Variants in HAUS8 observed in about 807,000 individuals in gnomAD.
HAUS8 encodes the protein HAUS augmin-like complex subunit 8.
HAUS8 carries 38 observed loss-of-function variants against 42.9 expected under a neutral mutation model. The ratio of observed to expected loss-of-function variants is 0.89; its 90% confidence interval spans 0.68 to 1.16. The LOEUF (loss-of-function observed/expected upper bound fraction) is 1.16. HAUS8 is among the 50% of genes most tolerant of loss of function. HAUS8 has a pLI of 0.00. For missense variants in HAUS8, 494 were observed against 511.6 expected (o/e 0.97, Z 0.33); for synonymous variants, 199 against 205.8 (o/e 0.97, Z 0.28).
intron 3 of HAUS8, among the ~76,000 whole-genome samples, chr19:17,068,632 T>C (rs1249322957): frequency 1.3e-5 from 2 of 151,912 alleles, no homozygotes; most frequent in Non-Finnish European, 2.9e-5. Context: ...GCTGGTGTGG[T>C]AGCACACGCC....
At chr19:17,071,376 C>A (rs779079871) in intron 2 of HAUS8, among the ~76,000 whole-genome samples, 1 of 152,136 alleles carries the variant, frequency 6.6e-6, no homozygotes, top group East Asian at 1.9e-4. Context: ...GCCTGCAGAG[C>A]GAGTGTGGGT....
chr19:17,064,571 A>T (rs890122676), intron 3 of HAUS8, among the ~76,000 whole-genome samples: 2 of 152,252 alleles, frequency 1.3e-5, no homozygotes, highest in African/African-American at 4.8e-5. Flanking sequence ...GTGCACATAC[A>T]TGGTCAACTG....
chr19:17,075,162 C>G (rs2057461179), intron 1 of HAUS8: 1 of 549,192 alleles, frequency 1.8e-6, no homozygotes, highest in East Asian at 3.0e-5. Flanking sequence ...GGCCGCTTGC[C>G]GGAGGTCGCC....
intron 10 of HAUS8, 67 bp from the exon 11 acceptor site, chr19:17,050,243 C>A (rs368220841): frequency 1.6e-6 from 2 of 1,260,132 alleles, no homozygotes; most frequent in African/African-American, 3.1e-5. Flanking sequence ...GTGTGGTGAA[C>A]GGAGGGCTGC....
At chr19:17,053,152 T>C (rs2057298640) in intron 9 of HAUS8, 186 bp from the exon 10 acceptor site, 5 of 641,324 alleles carry the variant, frequency 7.8e-6, no homozygotes, top group East Asian at 2.8e-5. Context: ...TGCTCTGAGA[T>C]TGTGGGACAG....
chr19:17,068,906 G>C (rs1421266564), intron 3 of HAUS8, 125 bp downstream of exon 3: 13 of 806,804 alleles, frequency 1.6e-5, no homozygotes, highest in Non-Finnish European at 2.5e-5. Flanking sequence ...AAGCACCTGA[G>C]TGAAGATCCC....
At chr19:17,072,671 CAG>C (rs1328882295) in intron 2 of HAUS8, among the ~76,000 whole-genome samples, 2 of 151,484 alleles carry the variant, frequency 1.3e-5, no homozygotes, top group East Asian at 1.9e-4. Context: ...TGTTTTGAGA[CAG>C]AGTCTCACTC....
chr19:17,060,348 G>C (rs191425657), intron 4 of HAUS8: 140 of 406,294 alleles, frequency 3.4e-4, no homozygotes, highest in African/African-American at 2.5e-3. Flanking sequence ...AGGCCTTTCT[G>C]CTAGTTCACA....
intron 1 of HAUS8, chr19:17,074,751 G>A (rs531859656): frequency 6.6e-6 from 1 of 152,250 alleles, no homozygotes; most frequent in South Asian, 2.1e-4. Context: ...TCCTCTTGCT[G>A]GCCAATTTCA....
In HAUS8 at chr19:17,059,640, C is replaced by A. The variant is rs757351454; in HGVS notation, c.337G>T (p.Val113Phe). The change falls in exon 6 of 11, where the codon GTC (valine) becomes TTC (phenylalanine). Residue 113 changes from valine (V) to phenylalanine (F), a missense_variant. Transcript: ENST00000253669. ...DLSAINDKSIVKKTPQLAKTI... is the reference protein window; with the variant it reads ...DLSAINDKSIFKKTPQLAKTI... ...TTTGCTAACTGTGGCGTCTTTTTGA[C>A]GATGCTTTTGTCTAAGATAAAGCAC... 1.2e-6 allele frequency: 2 copies of A among 1,612,890 alleles called. No individual in the cohort carries two copies. The highest frequency in any genetic ancestry group is 1.7e-6 in the Non-Finnish European group (2 of 1,179,064).
chr19:17,074,519 T>C (rs1408686102), intron 1 of HAUS8: 1 of 152,370 alleles, frequency 6.6e-6, no homozygotes, highest in African/African-American at 2.4e-5. Context: ...AGGTTTTACA[T>C]AGGTCACCCC....
At chr19:17,068,088 TTTATTTTATTC>T (rs2057397958) in intron 3 of HAUS8, among the ~76,000 whole-genome samples, 1 of 151,378 alleles carries the variant, frequency 6.6e-6, no homozygotes, top group South Asian at 2.1e-4. Context: ...AACCTGTTTT[TTTATTTTATTC>T]TTTTTTTTTT....
At chr19:17,059,703 C>T (rs1279841532) in intron 5 of HAUS8, 52 bp from the exon 6 acceptor site, 3 of 1,266,180 alleles carry the variant, frequency 2.4e-6, no homozygotes, top group South Asian at 1.3e-5. Context: ...TAGACTGGTC[C>T]CTGGTTGCCA....
intron 9 of HAUS8, among the ~76,000 whole-genome samples, chr19:17,053,943 A>G (rs1339784007): frequency 1.3e-5 from 2 of 152,056 alleles, no homozygotes; most frequent in Non-Finnish European, 2.9e-5. Flanking sequence ...CATAACAAAC[A>G]TGAGCCACCG....
intron 2 of HAUS8, among the ~76,000 whole-genome samples, chr19:17,070,870 G>A (rs983281918): frequency 9.2e-5 from 14 of 152,176 alleles, no homozygotes; most frequent in South Asian, 2.1e-4. Context: ...AGGAGTTCGC[G>A]ATCAGCCTGG....
chr19:17,061,615 C>T (rs575816271), intron 4 of HAUS8, among the ~76,000 whole-genome samples: 28 of 152,286 alleles, frequency 1.8e-4, no homozygotes, highest in East Asian at 1.5e-3. Flanking sequence ...CATGGCATTG[C>T]GAGCACATGG....
chr19:17,065,956 C>T (rs2057384940), intron 3 of HAUS8, among the ~76,000 whole-genome samples: 1 of 144,726 alleles, frequency 6.9e-6, no homozygotes. Flanking sequence ...TCTCACTCTA[C>T]ACATCTCTTA....
At chr19:17,057,910 T>C (rs1166593593) in intron 8 of HAUS8, among the ~76,000 whole-genome samples, 1 of 152,176 alleles carries the variant, frequency 6.6e-6, no homozygotes, top group African/African-American at 2.4e-5. Flanking sequence ...AGGGAGGACA[T>C]GTGAACACAG....
At chr19:17,069,206 AGAG>A (rs1237983398) in intron 2 of HAUS8, 120 bp from the exon 3 acceptor site, 22 of 823,894 alleles carry the variant, frequency 2.7e-5, no homozygotes, top group African/African-American at 2.0e-4. Flanking sequence ...TGACCAGAAC[AGAG>A]GAGGTCACCA....
Sources: gnomAD v4.1 joint callset for allele counts (sites outside exome capture counted in the v4.1 genomes callset) on GRCh38, gnomAD v4.1.1 for gene constraint, MANE v1.5 for transcripts, NCBI Gene and HGNC (gene_info 2026-07-23, HGNC 2026-07-21) for gene names.